MIPOL1: variants seen among roughly 807,000 people sequenced by gnomAD.
MIPOL1 encodes mirror-image polydactyly 1.
A neutral mutation model predicts 60.9 loss-of-function variants in MIPOL1; 57 were observed. The ratio of observed to expected loss-of-function variants is 0.94; its 90% CI spans 0.76 to 1.17. MIPOL1 has a LOEUF of 1.17. Among genes scored for constraint, MIPOL1 ranks in the 50% most tolerant of loss-of-function variants. The pLI, the probability that MIPOL1 is intolerant of heterozygous loss-of-function variation, is 0.00. For missense variants in MIPOL1, 551 were observed against 511.6 expected (o/e 1.08, Z -0.74); for synonymous variants, 179 against 168.8 (o/e 1.06, Z -0.47).
intron 12 of MIPOL1, chr14:37,502,385 G>A (rs920287095): frequency 2.0e-5 from 3 of 152,350 alleles, no homozygotes; most frequent in African/African-American, 7.2e-5. Flanking sequence ...GCCCCTCTAG[G>A]ACGAAGCTTC....
rs549966417 is a variant in MIPOL1, at chr14:37,474,219, T to C, written c.1032-25689T>C. Reference sequence around the variant, plus strand: ...CTAGGGAAATTATGAATAAAACTAGTATAAACATACTTGTGCAGGTTTTTG... The same window carrying C: ...CTAGGGAAATTATGAATAAAACTAGCATAAACATACTTGTGCAGGTTTTTG... On this transcript the variant is annotated intron_variant, in intron 11 of 12. Transcript: ENST00000684589. Among the ~76,000 whole-genome samples, 5 of 152,332 alleles carry C rather than the reference T, an allele frequency of 3.3e-5. No homozygotes were observed. In the South Asian group the frequency reaches 1.0e-3, roughly 32 times the overall value.
intron 11 of MIPOL1, among the ~76,000 whole-genome samples, chr14:37,440,156 T>C (rs2094219074): frequency 6.6e-6 from 1 of 152,216 alleles, no homozygotes; most frequent in Non-Finnish European, 1.5e-5. Context: ...CTACAAATAA[T>C]TTCTTAATAT....
intron 10 of MIPOL1, among the ~76,000 whole-genome samples, chr14:37,371,901 G>A (rs1259806140): frequency 1.3e-5 from 2 of 151,944 alleles, no homozygotes; most frequent in African/African-American, 2.4e-5. Flanking sequence ...AAGCTATCTG[G>A]TGAGAACAGT....
intron 12 of MIPOL1, among the ~76,000 whole-genome samples, chr14:37,536,074 AG>A (rs529594975): frequency 4.5e-4 from 69 of 152,196 alleles, no homozygotes; most frequent in African/African-American, 1.6e-3. Flanking sequence ...CTGGCTGATA[AG>A]TTTTTACATA....
intron 11 of MIPOL1, among the ~76,000 whole-genome samples, chr14:37,457,126 G>A (rs1241562545): frequency 6.6e-6 from 1 of 152,128 alleles, no homozygotes; most frequent in African/African-American, 2.4e-5. Flanking sequence ...ATTGGCATCT[G>A]GGGACTTTGG....
At chr14:37,307,572 G>T (rs2086892615) in intron 7 of MIPOL1, among the ~76,000 whole-genome samples, 1 of 151,892 alleles carries the variant, frequency 6.6e-6, no homozygotes, top group Non-Finnish European at 1.5e-5. Flanking sequence ...ATAACAAATA[G>T]GTAACAGCAA....
At chr14:37,476,914 T>G (rs1244797974) in intron 11 of MIPOL1, among the ~76,000 whole-genome samples, 23 of 146,878 alleles carry the variant, frequency 1.6e-4, no homozygotes, top group Non-Finnish European at 4.5e-5. Context: ...TTTTTTTTTT[T>G]TTTTGAGACG....
intron 9 of MIPOL1, among the ~76,000 whole-genome samples, chr14:37,338,444 T>C (rs2090349089): frequency 6.6e-6 from 1 of 151,832 alleles, no homozygotes; most frequent in African/African-American, 2.4e-5. Context: ...AATCTCGCAC[T>C]GTCATCCAGG....
intron 7 of MIPOL1, among the ~76,000 whole-genome samples, chr14:37,287,993 A>G (rs954681273): frequency 6.6e-6 from 1 of 152,158 alleles, no homozygotes. Context: ...AATTGACCTT[A>G]AAAGAAGAAG....
At chr14:37,235,712 G>T (rs1971357254) in intron 1 of MIPOL1, among the ~76,000 whole-genome samples, 2 of 152,028 alleles carry the variant, frequency 1.3e-5, no homozygotes, top group African/African-American at 4.8e-5. Flanking sequence ...ATCTCAAGCA[G>T]AAACTCTGTA....
intron 9 of MIPOL1, among the ~76,000 whole-genome samples, chr14:37,336,109 T>G (rs1031171418): frequency 7.0e-6 from 1 of 143,542 alleles, no homozygotes. Flanking sequence ...TTCATGGTTT[T>G]TTTTTTTTTT....
At chr14:37,506,131 G>T (rs1056976533) in intron 12 of MIPOL1, 2 of 152,152 alleles carry the variant, frequency 1.3e-5, no homozygotes, top group African/African-American at 4.8e-5. Context: ...TACATTCCAT[G>T]CTCACGGATA....
chr14:37,534,534 G>C (rs773939295), intron 12 of MIPOL1, among the ~76,000 whole-genome samples: 5 of 152,102 alleles, frequency 3.3e-5, no homozygotes, highest in Admixed American at 6.6e-5. Context: ...TGATTTTTGA[G>C]AGCCTGTTGG....
intron 3 of MIPOL1, among the ~76,000 whole-genome samples, chr14:37,264,048 G>A (rs984022085): frequency 1.3e-5 from 2 of 152,082 alleles, no homozygotes; most frequent in Admixed American, 6.6e-5. Context: ...ATACAAATAA[G>A]CTCAGCTAAA....
chr14:37,367,754 TATTAA>T lies in MIPOL1; in HGVS notation c.829-1759_829-1755del, dbSNP rs776480852. Reference sequence around the variant, plus strand: ...TTACATTTTAATCTTAATAATTTTATATTAAATTTAATTGAAAATGTAAAGGATAA... The same window carrying T: ...TTACATTTTAATCTTAATAATTTTATATTTAATTGAAAATGTAAAGGATAA... On this transcript the variant is annotated intron_variant, in intron 9 of 12. Coordinates refer to ENST00000684589, the MANE Select transcript of MIPOL1 (RefSeq NM_001388067.1). 3.3e-5 allele frequency among the ~76,000 whole-genome samples: 5 copies of T among 152,190 alleles called. No homozygotes were observed. In the East Asian group the frequency reaches 5.8e-4, roughly 18 times the overall value.
rs532058975 is a variant in MIPOL1, at chr14:37,226,426, G to A, written c.-198-20677G>A. On this transcript the variant is annotated intron_variant, in intron 1 of 12. Transcript: ENST00000684589. Reference sequence around the variant, plus strand: ...AATCATGGTAGAAGATGAAAGGCACGTCTCACAAGGCAGCAGACAAGAGAA... The same window carrying A: ...AATCATGGTAGAAGATGAAAGGCACATCTCACAAGGCAGCAGACAAGAGAA... Among the ~76,000 whole-genome samples, 15 of 152,312 alleles carry A rather than the reference G, an allele frequency of 9.8e-5. No individual in the cohort carries two copies. In the South Asian group the frequency reaches 1.5e-3, roughly 15 times the overall value.
intron 11 of MIPOL1, among the ~76,000 whole-genome samples, chr14:37,483,241 T>G (rs2094899488): frequency 6.6e-6 from 1 of 151,502 alleles, no homozygotes; most frequent in African/African-American, 2.4e-5. Flanking sequence ...GCCTCCCGAG[T>G]AGCTGGGATT....
intron 12 of MIPOL1, among the ~76,000 whole-genome samples, chr14:37,514,229 T>C (rs1295330268): frequency 1.3e-5 from 2 of 152,162 alleles, no homozygotes; most frequent in African/African-American, 4.8e-5. Context: ...AGCTTTCTAA[T>C]TTTTTATCAC....
chr14:37,274,771 G>A (rs894307292), intron 6 of MIPOL1, among the ~76,000 whole-genome samples: 1 of 151,222 alleles, frequency 6.6e-6, no homozygotes, highest in African/African-American at 2.4e-5. Context: ...TAATGTTTAC[G>A]AAGTGCTTAA....
Sources: gnomAD v4.1 joint callset for allele counts (sites outside exome capture counted in the v4.1 genomes callset) on GRCh38, gnomAD v4.1.1 for gene constraint, MANE v1.5 for transcripts, NCBI Gene and HGNC (gene_info 2026-07-23, HGNC 2026-07-21) for gene names.